DPP10: variants seen among roughly 807,000 people sequenced by gnomAD.
The protein encoded by DPP10 is dipeptidyl peptidase like 10, also known as inactive dipeptidyl peptidase 10.
A neutral mutation model predicts 120.9 loss-of-function variants in DPP10; 33 were observed. The ratio of observed to expected loss-of-function variants is 0.27; its 90% CI spans 0.21 to 0.37. The LOEUF (loss-of-function observed/expected upper bound fraction) is 0.37, where lower values mean the gene tolerates loss of function less well. DPP10 is among the 10% of genes least tolerant of loss of function. DPP10 has a pLI of 1.00. For synonymous variants in DPP10, 337 were observed against 326.1 expected (o/e 1.03, Z -0.36); for missense variants, 816 against 942.8 (o/e 0.87, Z 1.76).
In DPP10 at chr2:114,933,424, T is replaced by C. The variant is rs181871662; in HGVS notation, c.61-375815T>C. 5.4e-3 allele frequency among the ~76,000 whole-genome samples: 815 copies of C among 152,282 alleles called. 5 individuals carry two copies. Among genetic ancestry groups the C allele is most frequent in the African/African-American group, 0.018 (767 of 41,564 alleles). ...ACCAGTTCATAAACGGGGTAAAAAG[T>C]AGAACTGTCCTAGCCAGTAGTTTAG... On this transcript the variant is annotated intron_variant, in intron 1 of 25. Coordinates refer to ENST00000410059, the MANE Select transcript of DPP10 (RefSeq NM_020868.6).
intron 7 of DPP10, among the ~76,000 whole-genome samples, chr2:115,708,880 A>G (rs2092222616): frequency 6.6e-6 from 1 of 152,140 alleles, no homozygotes; most frequent in Non-Finnish European, 1.5e-5. Context: ...TGAAGAATGT[A>G]CTGGAAAATA....
chr2:115,786,465 T>C (rs971425385), intron 17 of DPP10, among the ~76,000 whole-genome samples: 3 of 152,052 alleles, frequency 2.0e-5, no homozygotes, highest in African/African-American at 7.2e-5. Context: ...TTTCTGGCCA[T>C]GGAGTAACTG....
intron 1 of DPP10, among the ~76,000 whole-genome samples, chr2:114,564,513 AT>A (rs1689052810): frequency 6.6e-6 from 1 of 152,124 alleles, no homozygotes; most frequent in Admixed American, 6.5e-5. Context: ...TATATATTCC[AT>A]GATATAAGGT....
chr2:115,534,868 G>A (rs1250595735), intron 5 of DPP10, among the ~76,000 whole-genome samples: 1 of 151,964 alleles, frequency 6.6e-6, no homozygotes, highest in African/African-American at 2.4e-5. Context: ...GCCAGTGATG[G>A]TGAGCGTTTT....
chr2:115,694,922 A>G lies in DPP10; in HGVS notation c.576+5001A>G, dbSNP rs2091502797. 1.3e-5 allele frequency among the ~76,000 whole-genome samples: 2 copies of G among 152,164 alleles called. 1 individual carries two copies. Among genetic ancestry groups the G allele is most frequent in the South Asian group, 4.1e-4 (2 of 4,834 alleles). On this transcript the variant is annotated intron_variant, in intron 7 of 25. Transcript: ENST00000410059. Reference sequence around the variant, plus strand: ...GAGGGCCCTGTGATGCAAATAAGTAAGGATTTGTATTCTTATTGTTTATTG... The same window carrying G: ...GAGGGCCCTGTGATGCAAATAAGTAGGGATTTGTATTCTTATTGTTTATTG...
Position 115,767,463 on chromosome 2 carries a change from A to C in DPP10, c.1114-834A>C, listed in dbSNP as rs570317830. 6.5e-4 allele frequency among the ~76,000 whole-genome samples: 60 copies of C among 92,334 alleles called. 1 individual carries two copies. The South Asian group carries it at 0.024, about 37-fold the overall frequency. The allele number at this position is 92,334 out of a possible 152,430, so 60.6% of individuals were successfully genotyped here. A position where few individuals can be genotyped will look rare whatever the true frequency, so the allele number is the denominator to read the frequency against. ...GAAAGAGCAGTATCTCTCTCTCTCTACATACATATATGTGTGTGTGTGTGT... is the reference window on the plus strand; with the variant it reads ...GAAAGAGCAGTATCTCTCTCTCTCTCCATACATATATGTGTGTGTGTGTGT... On this transcript the variant is annotated intron_variant, in intron 12 of 25. Coordinates refer to ENST00000410059, the MANE Select transcript of DPP10 (RefSeq NM_020868.6).
intron 3 of DPP10, among the ~76,000 whole-genome samples, chr2:115,394,857 G>A (rs573428156): frequency 5.7e-4 from 87 of 152,248 alleles, no homozygotes; most frequent in South Asian, 1.7e-3. Flanking sequence ...CATAGTTACT[G>A]TGTTAGAATT....
At chr2:115,822,967 T>G (rs1687954685) in intron 21 of DPP10, among the ~76,000 whole-genome samples, 2 of 152,092 alleles carry the variant, frequency 1.3e-5, no homozygotes, top group Admixed American at 1.3e-4. Flanking sequence ...GAGCTTTCTA[T>G]AAAAATGTTT....
At chr2:114,953,860 T>C (rs1274964502) in intron 1 of DPP10, among the ~76,000 whole-genome samples, 1 of 152,162 alleles carries the variant, frequency 6.6e-6, no homozygotes, top group Non-Finnish European at 1.5e-5. Context: ...TTATAATAAA[T>C]ACTGTGATTA....
chr2:114,572,093 C>A (rs1689703834), intron 1 of DPP10, among the ~76,000 whole-genome samples: 1 of 151,480 alleles, frequency 6.6e-6, no homozygotes. Context: ...CCATCCAAAT[C>A]TGTCTCTCAC....
chr2:115,290,988 A>T (rs1468001543), intron 1 of DPP10, among the ~76,000 whole-genome samples: 4 of 152,046 alleles, frequency 2.6e-5, no homozygotes, highest in Non-Finnish European at 4.4e-5. Context: ...GGACCACAGG[A>T]ATCAGGCTTT....
intron 4 of DPP10, among the ~76,000 whole-genome samples, chr2:115,506,835 AC>A (rs2076969575): frequency 6.6e-6 from 1 of 152,110 alleles, no homozygotes; most frequent in South Asian, 2.1e-4. Flanking sequence ...AAAGAGGAAA[AC>A]TGTGAGTGTG....
chr2:115,773,046 C>A (rs961941281), intron 13 of DPP10, among the ~76,000 whole-genome samples: 1 of 152,018 alleles, frequency 6.6e-6, no homozygotes, highest in Admixed American at 6.6e-5. Flanking sequence ...AACAGCATGC[C>A]CCCAATCCAC....
intron 1 of DPP10, among the ~76,000 whole-genome samples, chr2:114,529,979 G>A (rs1685827313): frequency 6.6e-6 from 1 of 152,030 alleles, no homozygotes; most frequent in African/African-American, 2.4e-5. Context: ...AAGGATGATG[G>A]CCTCCAGCTC....
intron 1 of DPP10, among the ~76,000 whole-genome samples, chr2:114,640,549 G>T (rs1022244717): frequency 1.3e-5 from 2 of 151,912 alleles, no homozygotes; most frequent in Admixed American, 1.3e-4. Context: ...CTCAGGTCAA[G>T]TCAGCCTCCC....
At chr2:115,307,105 T>G (rs1334887191) in intron 1 of DPP10, among the ~76,000 whole-genome samples, 1 of 152,134 alleles carries the variant, frequency 6.6e-6, no homozygotes, top group Non-Finnish European at 1.5e-5. Context: ...CAAATCCCGT[T>G]TTCTTATCTG....
At chr2:115,452,511 G>A (rs868746610) in intron 3 of DPP10, among the ~76,000 whole-genome samples, 7 of 151,812 alleles carry the variant, frequency 4.6e-5, no homozygotes, top group African/African-American at 9.7e-5. Context: ...ATGATGACAC[G>A]TATGGTAACT....
intron 1 of DPP10, among the ~76,000 whole-genome samples, chr2:114,611,433 T>C (rs921088648): frequency 1.3e-5 from 2 of 152,188 alleles, no homozygotes; most frequent in Admixed American, 6.5e-5. Flanking sequence ...GATGAACAAC[T>C]TATGACCCCA....
chr2:115,167,075 G>A (rs989740513), intron 1 of DPP10, among the ~76,000 whole-genome samples: 2 of 152,162 alleles, frequency 1.3e-5, no homozygotes, highest in Non-Finnish European at 2.9e-5. Flanking sequence ...AGACCAGTGT[G>A]TTTTCTTGGG....
Sources: allele counts gnomAD v4.1 joint callset (sites outside exome capture counted in the v4.1 genomes callset), GRCh38; gene constraint gnomAD v4.1.1; transcripts MANE v1.5; gene names NCBI Gene and HGNC (gene_info 2026-07-23, HGNC 2026-07-21).